The following NEBL variants were observed in gnomAD, a reference collection of about 807,000 sequenced individuals.
NEBL encodes the protein LIM and SH3 protein 2.
A neutral mutation model predicts 140.2 loss-of-function variants in NEBL; 122 were observed. The observed-to-expected ratio is 0.87, with a 90% CI of 0.75 to 1.01. The LOEUF (loss-of-function observed/expected upper bound fraction) is 1.01. NEBL is among the 50% of genes least tolerant of loss of function. The pLI, the probability that NEBL is intolerant of heterozygous loss-of-function variation, is 0.00. For synonymous variants in NEBL, 436 were observed against 398.9 expected (o/e 1.09, Z -1.11); for missense variants, 1,365 against 1,231.3 (o/e 1.11, Z -1.62).
chr10:21,048,933 C>A (rs1437967672), intron 2 of NEBL, among the ~76,000 whole-genome samples: 3 of 152,090 alleles, frequency 2.0e-5, no homozygotes, highest in Non-Finnish European at 4.4e-5. Flanking sequence ...TTGCTTGAAC[C>A]CGGGAGGTGG....
Position 20,831,509 on chromosome 10 carries a change from G to A in NEBL, c.1524C>T (p.Val508=), listed in dbSNP as rs768660871. The A allele has an allele frequency of 6.2e-7, 1 of 1,611,712 alleles. No individual in the cohort carries two copies. Among genetic ancestry groups the A allele is most frequent in the East Asian group, 2.2e-5 (1 of 44,816 alleles). ...GMQVSTDTLD[V]QRAKKASEMA... Reference sequence around the variant, plus strand: ...TCTCGGATGCTTTCTTAGCTCTCTGGACATCAAGAGTGTCTGTGCTCACCT... The same window carrying A: ...TCTCGGATGCTTTCTTAGCTCTCTGAACATCAAGAGTGTCTGTGCTCACCT... Residue 508 remains valine, a synonymous_variant, in exon 15 of 28, where the codon GTC becomes GTT. Transcript: ENST00000377122.
intron 2 of NEBL, among the ~76,000 whole-genome samples, chr10:21,020,919 G>A (rs181257822): frequency 6.7e-4 from 102 of 152,140 alleles, no homozygotes; most frequent in Admixed American, 1.4e-3. Context: ...GCCTCTCTGT[G>A]AGCTGACTAC....
Position 20,880,900 on chromosome 10 carries a change from G to A in NEBL, c.374C>T (p.Ala125Val). ...GGCAGCATCATGTTTCTGCTTGTAG[G>A]CCACCTGAAAAACACAAATAATTTT... ...GEVTQLQSEV[A>V]YKQKHDAAKG... The change falls in exon 5 of 28, where the codon GCC becomes GTC. Residue 125 changes from alanine to valine, a missense_variant. Coordinates refer to ENST00000377122, the MANE Select transcript of NEBL (RefSeq NM_006393.3). 1 of 1,613,500 alleles carries A rather than the reference G, an allele frequency of 6.2e-7. No homozygotes were observed. Among genetic ancestry groups the A allele is most frequent in the Non-Finnish European group, 8.5e-7 (1 of 1,179,566 alleles).
intron 2 of NEBL, among the ~76,000 whole-genome samples, chr10:21,087,052 C>T (rs556426782): frequency 6.6e-6 from 1 of 152,226 alleles, no homozygotes; most frequent in East Asian, 1.9e-4. Flanking sequence ...AAGAATTTGC[C>T]TCTCTCTCTT....
At chr10:21,153,402 C>G (rs1350557217) in intron 2 of NEBL, among the ~76,000 whole-genome samples, 2 of 152,054 alleles carry the variant, frequency 1.3e-5, no homozygotes, top group African/African-American at 4.8e-5. Flanking sequence ...CTCACTGCAA[C>G]CTCCGCCTCC....
At position 21,173,584 on chromosome 10, in the gene NEBL, G is replaced by T. The variant is rs895133896; in HGVS notation, c.69+181C>A. 3.7e-4 allele frequency among the ~76,000 whole-genome samples: 57 copies of T among 152,148 alleles called. No homozygotes were observed. Among genetic ancestry groups the T allele is most frequent in the Middle Eastern group, 6.3e-3 (2 of 316 alleles). ...CCTTCCCGGTTCCAACATCACAATC[G>T]CCAAGCGTGGTCTCTGACACTCCCG... On this transcript the variant is annotated intron_variant, in intron 1 of 6. Transcript: ENST00000417816. The surrounding 1 kb of genome is among the most constrained non-coding windows in gnomAD (Gnocchi z 5.7).
intron 26 of NEBL, among the ~76,000 whole-genome samples, chr10:20,790,714 G>A (rs768577575): frequency 1.3e-5 from 2 of 152,042 alleles, no homozygotes; most frequent in East Asian, 3.8e-4. Flanking sequence ...CATAAACACT[G>A]CTTTTCTATT....
rs1285696776 is a variant in NEBL at position 21,120,384 on chromosome 10, AAAAAAATACATATATATATAT to A, written c.164+51978_164+51998del. On this transcript the variant is annotated intron_variant, in intron 2 of 6. Transcript: ENST00000417816. Reference sequence around the variant, plus strand: ...AGTGAGACTGTGTCTCAAAAAAAAAAAAAAAATACATATATATATATATATATATATATATATATAAATTTG... The same window carrying A: ...AGTGAGACTGTGTCTCAAAAAAAAAAATATATATATATATATATAAATTTG... Among the ~76,000 whole-genome samples, 13 of 123,666 alleles carry A rather than the reference AAAAAAATACATATATATATAT, an allele frequency of 1.1e-4. 1 individual carries two copies. The highest frequency in any genetic ancestry group is 4.3e-4 in the African/African-American group (13 of 29,992). 81.1% of individuals were successfully genotyped at this position (123,666 alleles called of 152,430 possible).
intron 2 of NEBL, among the ~76,000 whole-genome samples, chr10:21,117,115 G>C (rs1165265359): frequency 2.6e-5 from 4 of 152,016 alleles, no homozygotes; most frequent in African/African-American, 9.7e-5. Context: ...TCCATGGCTT[G>C]CTCTTAAGCT....
At chr10:21,136,143 C>G (rs1359035706) in intron 2 of NEBL, among the ~76,000 whole-genome samples, 2 of 152,168 alleles carry the variant, frequency 1.3e-5, no homozygotes, top group Non-Finnish European at 2.9e-5. Context: ...AAACTTTCCA[C>G]AAGTTTGGTC....
intron 2 of NEBL, among the ~76,000 whole-genome samples, chr10:21,066,684 C>T (rs1835562493): frequency 6.6e-6 from 1 of 152,166 alleles, no homozygotes; most frequent in Admixed American, 6.5e-5. Context: ...TTTACCATTG[C>T]TTAAAACACA....
intron 7 of NEBL, among the ~76,000 whole-genome samples, chr10:20,863,844 G>C (rs1843983767): frequency 6.6e-6 from 1 of 152,140 alleles, no homozygotes; most frequent in Non-Finnish European, 1.5e-5. Context: ...GAAGAGGAGA[G>C]AATAAAGGGG....
At chr10:20,988,445 C>T (rs760160572) in intron 3 of NEBL, among the ~76,000 whole-genome samples, 1 of 151,964 alleles carries the variant, frequency 6.6e-6, no homozygotes, top group Admixed American at 6.6e-5. Context: ...AAAAATTGAC[C>T]AACCCTCTGC....
chr10:21,104,755 G>A (rs1467370658), intron 2 of NEBL, among the ~76,000 whole-genome samples: 3 of 152,056 alleles, frequency 2.0e-5, no homozygotes, highest in African/African-American at 7.2e-5. Context: ...AGAACTTCCA[G>A]TACTATGTTA....
At chr10:21,112,975 G>A in intron 2 of NEBL, 1 of 322,438 alleles carries the variant, frequency 3.1e-6, no homozygotes, top group East Asian at 9.5e-5. Flanking sequence ...CCTGGAAGTG[G>A]TAACAAGTTT....
chr10:21,268,587 G>T (rs1842826239), intron 1 of NEBL, among the ~76,000 whole-genome samples: 1 of 149,000 alleles, frequency 6.7e-6, no homozygotes, highest in South Asian at 2.1e-4. Context: ...GCAGTGGTGT[G>T]ATCTCGGCTC....
At chr10:21,188,693 C>T (rs981696651) in intron 3 of NEBL, among the ~76,000 whole-genome samples, 9 of 151,630 alleles carry the variant, frequency 5.9e-5, no homozygotes, top group Non-Finnish European at 1.0e-4. Context: ...CTCCGCCTCC[C>T]GGGTTCCAGC....
chr10:21,269,696 C>T (rs1189971922), intron 1 of NEBL, among the ~76,000 whole-genome samples: 1 of 152,160 alleles, frequency 6.6e-6, no homozygotes, highest in Admixed American at 6.5e-5. Flanking sequence ...ACTGGCTTTT[C>T]CACTGGGCTG....
chr10:20,963,907 C>G (rs1477138692), intron 3 of NEBL, among the ~76,000 whole-genome samples: 3 of 152,182 alleles, frequency 2.0e-5, no homozygotes, highest in Admixed American at 1.3e-4. Context: ...CTCTCAGCAC[C>G]AGTTCAAGCA....
Sources: gnomAD v4.1 joint callset for allele counts (sites outside exome capture counted in the v4.1 genomes callset) on GRCh38, gnomAD v4.1.1 for gene constraint, Gnocchi (gnomAD v3.1) non-coding constraint, MANE v1.5 for transcripts, NCBI Gene and HGNC (gene_info 2026-07-23, HGNC 2026-07-21) for gene names.